Variants in SPI1 observed in about 807,000 individuals in gnomAD.
SPI1 encodes transcription factor PU.1.
Under a neutral mutation model 30.7 loss-of-function variants are expected in SPI1, and 3 were observed. The observed-to-expected ratio is 0.10, with a 90% confidence interval of 0.04 to 0.25. The LOEUF is 0.25. Ranked by LOEUF, SPI1 falls within the 10% of genes least tolerant of loss-of-function variation. The probability of loss-of-function intolerance (pLI) is 1.00; values close to 1 mark genes in which losing one functional copy is unlikely to be tolerated. For synonymous variants in SPI1, 169 were observed against 157.1 expected (o/e 1.08, Z -0.56); for missense variants, 261 against 371.5 (o/e 0.70, Z 2.45).
intron 2 of SPI1, among the ~76,000 whole-genome samples, chr11:47,372,745 C>G (rs2095937539): frequency 6.6e-6 from 1 of 152,152 alleles, no homozygotes; most frequent in South Asian, 2.1e-4. Context: ...GTGAAGCTAG[C>G]ACGGGCCTCG....
In SPI1 at chr11:47,359,114, A is replaced by G; in HGVS notation, c.331-108T>C. On this transcript the variant is annotated intron_variant, in intron 3 of 4. Transcript: ENST00000378538. This position sits in a 1 kb window ranked among gnomAD's most constrained non-coding sequence, Gnocchi z 5.1. ...AGAAGGAGTGCAGAGGGCAGGGGACAATGGCAGGCACAGGAGACTGGAGGA... is the reference window on the plus strand; with the variant it reads ...AGAAGGAGTGCAGAGGGCAGGGGACGATGGCAGGCACAGGAGACTGGAGGA... 2 of 1,010,294 alleles carry G rather than the reference A, an allele frequency of 2.0e-6. No individual in the cohort carries two copies. The highest frequency in any genetic ancestry group is 2.8e-6 in the Non-Finnish European group (2 of 709,082). 62.6% of individuals were successfully genotyped at this position (1,010,294 alleles called of 1,614,324 possible). A position where few individuals can be genotyped will look rare whatever the true frequency, so the allele number is the denominator to read the frequency against.
intron 2 of SPI1, among the ~76,000 whole-genome samples, chr11:47,367,766 T>G (rs930098851): frequency 3.2e-5 from 4 of 126,806 alleles, no homozygotes; most frequent in Non-Finnish European, 6.7e-5. Context: ...TTTTTTTTTT[T>G]TTTTTTTTTT....
intron 2 of SPI1, 42 bp from the exon 3 acceptor site, chr11:47,360,082 G>T: frequency 2.1e-6 from 3 of 1,454,310 alleles, no homozygotes; most frequent in South Asian, 2.7e-5. Context: ...GCTCAGGGTT[G>T]GGCAGGGCAG....
At chr11:47,361,311 G>A (rs1197479314) in intron 2 of SPI1, among the ~76,000 whole-genome samples, 17 of 152,000 alleles carry the variant, frequency 1.1e-4, no homozygotes, top group Non-Finnish European at 1.5e-5. Context: ...GCACACGGTG[G>A]CCCTTCCTCT....
chr11:47,355,606 C>A, intron 4 of SPI1, 60 bp from the exon 5 acceptor site: 1 of 1,426,106 alleles, frequency 7.0e-7, no homozygotes, highest in East Asian at 2.4e-5. Context: ...CCGCCCCCAC[C>A]GCCTTGCGTA....
intron 2 of SPI1, among the ~76,000 whole-genome samples, chr11:47,372,850 A>G (rs1377442890): frequency 3.9e-5 from 6 of 152,160 alleles, no homozygotes. Flanking sequence ...TGTCAGTTTT[A>G]TAAATGGGGA....
In SPI1 at chr11:47,355,080, G is replaced by T. The variant is rs528011574; in HGVS notation, c.*147C>A. On this transcript the variant is annotated 3_prime_UTR_variant, in exon 5 of 5. Coordinates refer to ENST00000378538, the MANE Select transcript of SPI1 (RefSeq NM_003120.3). ...GCGGGATGTGGAGGGGGCCTGGAGT[G>T]GGGGGAGGGGGCGGGTGAGGCGAGG... The T allele has an allele frequency of 1.9e-5, 9 of 469,386 alleles. No individual in the cohort carries two copies. The highest frequency in any genetic ancestry group is 1.2e-4 in the African/African-American group (6 of 48,296). The allele number at this position is 469,386 out of a possible 1,614,324, so 29.1% of individuals were successfully genotyped here.
In SPI1 at chr11:47,374,118, G is replaced by A. The variant is rs1173941619; in HGVS notation, c.142+1515C>T. Among the ~76,000 whole-genome samples the A allele has an allele frequency of 6.6e-6, 1 of 152,176 alleles. No individual in the cohort carries two copies. The highest frequency in any genetic ancestry group is 1.5e-5 in the Non-Finnish European group (1 of 68,028). ...GGGCGCCTGTCCCAGGGCCCAGCGG[G>A]ACCTCCTGGAGTCCTGGAACCGCTT... On this transcript the variant is annotated intron_variant, in intron 2 of 4. Coordinates refer to ENST00000378538, the MANE Select transcript of SPI1 (RefSeq NM_003120.3). This position sits in a 1 kb window ranked among gnomAD's most constrained non-coding sequence, Gnocchi z 4.5.
Position 47,374,221 on chromosome 11 carries a change from G to C in SPI1, c.142+1412C>G, listed in dbSNP as rs977742678. 1.3e-5 allele frequency among the ~76,000 whole-genome samples: 2 copies of C among 152,214 alleles called. No individual in the cohort carries two copies. The highest frequency in any genetic ancestry group is 2.9e-5 in the Non-Finnish European group (2 of 68,026). Reference sequence around the variant, plus strand: ...GTAGGGAGAGCTGGGGATGGAGTTGGGGGAGGGGGACTTTCTCTCTACATT... The same window carrying C: ...GTAGGGAGAGCTGGGGATGGAGTTGCGGGAGGGGGACTTTCTCTCTACATT... On this transcript the variant is annotated intron_variant, in intron 2 of 4. Transcript: ENST00000378538. This position sits in a 1 kb window ranked among gnomAD's most constrained non-coding sequence, Gnocchi z 4.5.
At chr11:47,367,845 C>T (rs1290981383) in intron 2 of SPI1, among the ~76,000 whole-genome samples, 1 of 149,590 alleles carries the variant, frequency 6.7e-6, no homozygotes, top group Non-Finnish European at 1.5e-5. Flanking sequence ...GCAAGCTCCA[C>T]CTCCCAGGTT....
chr11:47,361,607 A>C (rs2095920874), intron 2 of SPI1, among the ~76,000 whole-genome samples: 1 of 152,174 alleles, frequency 6.6e-6, no homozygotes, highest in African/African-American at 2.4e-5. Flanking sequence ...CGGCTGTCTC[A>C]TGTGGGCCAA....
chr11:47,378,247 G>A (rs1472442579), intron 1 of SPI1, 62 bp downstream of exon 1: 2 of 1,556,190 alleles, frequency 1.3e-6, no homozygotes, highest in Admixed American at 3.5e-5. Flanking sequence ...GCGGGTTCGT[G>A]GGCAGGCAGG....
At chr11:47,358,255 T>A in intron 4 of SPI1, 1 of 428,294 alleles carries the variant, frequency 2.3e-6, no homozygotes, top group East Asian at 4.2e-5. Context: ...CATATACACT[T>A]GCTCACACAC....
rs562469342 is a variant in SPI1 at position 47,358,478 on chromosome 11, GCT to G, written c.493+364_493+365del. On this transcript the variant is annotated intron_variant, in intron 4 of 4. Transcript: ENST00000378538. ...GCCACACCCACTCTCAGCCACACCA[GCT>G]CTCACATTCACCTTCTCACACACCC... 841 of 648,532 alleles carry G rather than the reference GCT, an allele frequency of 1.3e-3. 2 individuals are homozygous for G. Among genetic ancestry groups the G allele is most frequent in the Non-Finnish European group, 2.0e-3 (701 of 353,056 alleles). 40.2% of individuals were successfully genotyped at this position (648,532 alleles called of 1,614,324 possible).
At position 47,358,784 on chromosome 11, in the gene SPI1, T is replaced by G. The variant is rs754578909; in HGVS notation, c.493+60A>C. 3.3e-6 allele frequency: 5 copies of G among 1,516,896 alleles called. No individual in the cohort carries two copies. The African/African-American group carries it at 5.5e-5, about 17-fold the overall frequency. 94.0% of individuals were successfully genotyped at this position (1,516,896 alleles called of 1,614,324 possible). A position where few individuals can be genotyped will look rare whatever the true frequency, so the allele number is the denominator to read the frequency against. On this transcript the variant is annotated intron_variant, in intron 4 of 4. Coordinates refer to ENST00000378538, the MANE Select transcript of SPI1 (RefSeq NM_003120.3). The stretch of plus-strand genomic sequence containing the variant: ...TGCTGGGTCAGTTGGCCTGGCTGGG[T>G]GGGGGCAGGGCACAGACACGGCCAG...
intron 2 of SPI1, among the ~76,000 whole-genome samples, chr11:47,370,563 G>A (rs7928419): frequency 0.69 from 104,610 of 151,484 alleles, 36,229 homozygotes; most frequent in African/African-American, 0.77. Flanking sequence ...TTAGCTGGGC[G>A]TGGTGGCGGG....
chr11:47,357,414 TC>T (rs2095912945), intron 4 of SPI1, among the ~76,000 whole-genome samples: 1 of 151,992 alleles, frequency 6.6e-6, no homozygotes, highest in South Asian at 2.1e-4. Flanking sequence ...CTCATGCATA[TC>T]CACTTGCATG....
intron 2 of SPI1, among the ~76,000 whole-genome samples, chr11:47,366,449 G>A: frequency 6.6e-6 from 1 of 152,108 alleles, no homozygotes; most frequent in East Asian, 1.9e-4. Context: ...TCAAAACAGA[G>A]AAGAAAGATG....
intron 4 of SPI1, 92 bp downstream of exon 4, chr11:47,358,752 G>T: frequency 7.9e-7 from 1 of 1,268,256 alleles, no homozygotes; most frequent in Non-Finnish European, 1.1e-6. Context: ...CGACTCGGTG[G>T]CGTGGCTGCT....
Sources: gnomAD v4.1 joint callset for allele counts (sites outside exome capture counted in the v4.1 genomes callset) on GRCh38, gnomAD v4.1.1 for gene constraint, Gnocchi (gnomAD v3.1) non-coding constraint, MANE v1.5 for transcripts, NCBI Gene and HGNC (gene_info 2026-07-23, HGNC 2026-07-21) for gene names.